The following ART3 variants were observed in gnomAD, a reference collection of about 807,000 sequenced individuals.
ART3 encodes the protein ecto-ADP-ribosyltransferase 3.
A neutral mutation model predicts 48.5 loss-of-function variants in ART3; 49 were observed. The observed-to-expected ratio is 1.01, with a 90% CI of 0.80 to 1.28. The LOEUF (loss-of-function observed/expected upper bound fraction) is 1.28, where lower values mean the gene tolerates loss of function less well. ART3 is among the 50% of genes most tolerant of loss of function. The probability of loss-of-function intolerance (pLI) is 0.00; values close to 1 mark genes in which losing one functional copy is unlikely to be tolerated. For missense variants in ART3, 438 were observed against 454.3 expected (o/e 0.96, Z 0.33); for synonymous variants, 145 against 157.2 (o/e 0.92, Z 0.58).
intron 1 of ART3, chr4:76,035,136 C>CAA (rs5859488): frequency 0.56 from 897,961 of 1,612,804 alleles, 257,741 homozygotes; most frequent in East Asian, 0.94. Flanking sequence ...AAAGAACATA[C>CAA]AAGAGTCTTA....
intron 1 of ART3, among the ~76,000 whole-genome samples, chr4:76,057,716 CT>C (rs1210377372): frequency 6.6e-6 from 1 of 152,096 alleles, no homozygotes; most frequent in Non-Finnish European, 1.5e-5. Flanking sequence ...GGTCACATAG[CT>C]AGAAAGTGGC....
intron 1 of ART3, among the ~76,000 whole-genome samples, chr4:76,063,783 C>T (rs10017484): frequency 0.59 from 89,099 of 151,878 alleles, 26,980 homozygotes; most frequent in East Asian, 0.94. Context: ...AATTTTGGCA[C>T]TAAACATTGA....
At chr4:76,104,102 A>G (rs1727939136) in intron 9 of ART3, 133 bp downstream of exon 9, 2 of 1,047,950 alleles carry the variant, frequency 1.9e-6, no homozygotes, top group African/African-American at 3.2e-5. Context: ...GTCATCTACA[A>G]ATATTTAGCT....
At chr4:76,050,945 C>T (rs867977916) in intron 1 of ART3, among the ~76,000 whole-genome samples, 2 of 152,202 alleles carry the variant, frequency 1.3e-5, no homozygotes, top group African/African-American at 2.4e-5. Flanking sequence ...CGGCGGGCTG[C>T]TCCGAGTGCG....
At chr4:76,044,578 CTT>C (rs1735310852) in intron 1 of ART3, among the ~76,000 whole-genome samples, 1 of 151,892 alleles carries the variant, frequency 6.6e-6, no homozygotes, top group African/African-American at 2.4e-5. Context: ...ACTTCCATCT[CTT>C]TCTTTCTCTC....
In ART3 at chr4:76,034,931, A is replaced by G. The variant is rs568810587; in HGVS notation, c.-10+23611A>G. The stretch of plus-strand genomic sequence containing the variant: ...TTACAACCAAGGACCCCTTAACAGA[A>G]TATTTCACACAGGATCATAGCAGAA... On this transcript the variant is annotated intron_variant, in intron 1 of 9. Coordinates refer to the ART3 transcript ENST00000341029. 6.1e-5 allele frequency: 83 copies of G among 1,353,198 alleles called. No individual in the cohort carries two copies. The African/African-American group carries it at 1.1e-3, about 18-fold the overall frequency. 83.8% of individuals were successfully genotyped at this position (1,353,198 alleles called of 1,614,324 possible). A position where few individuals can be genotyped will look rare whatever the true frequency, so the allele number is the denominator to read the frequency against.
rs553179436 is a variant in ART3 at position 76,041,979 on chromosome 4, CT to C, written c.-10+30665del. ...TCTCTGTGTTCTTAGCAGTGTTGGC[CT>C]TTTTTATTGTTTCCAGAATTGGACT... On this transcript the variant is annotated intron_variant, in intron 1 of 9. Coordinates refer to the ART3 transcript ENST00000341029. Among the ~76,000 whole-genome samples the C allele has an allele frequency of 9.0e-4, 137 of 152,242 alleles. 1 individual carries two copies. Among genetic ancestry groups the C allele is most frequent in the African/African-American group, 3.2e-3 (134 of 41,558 alleles).
chr4:76,013,135 A>C (rs1425053402), intron 1 of ART3, among the ~76,000 whole-genome samples: 2 of 152,236 alleles, frequency 1.3e-5, no homozygotes, highest in Non-Finnish European at 2.9e-5. Flanking sequence ...AGAAGTGCAC[A>C]ACCCTGGCTG....
At chr4:76,080,563 T>C (rs1560622387) in intron 2 of ART3, among the ~76,000 whole-genome samples, 1 of 152,160 alleles carries the variant, frequency 6.6e-6, no homozygotes, top group Non-Finnish European at 1.5e-5. Context: ...CAGGCTGGAG[T>C]GCTGTGGTGC....
chr4:76,067,711 C>T (rs1348179512), intron 1 of ART3, among the ~76,000 whole-genome samples: 1 of 152,208 alleles, frequency 6.6e-6, no homozygotes, highest in African/African-American at 2.4e-5. Context: ...ACAGTAAAAA[C>T]ACTTAATCTT....
chr4:76,046,744 G>C (rs1735541004), intron 1 of ART3, among the ~76,000 whole-genome samples: 1 of 151,964 alleles, frequency 6.6e-6, no homozygotes, highest in Non-Finnish European at 1.5e-5. Flanking sequence ...TCCTTAATAA[G>C]GGTGTGGGAC....
Position 76,112,725 on chromosome 4 carries a change from A to G in ART3, c.*206A>G, listed in dbSNP as rs1729713366. ...TTTTCACTTGTATACTACTCTTACA[A>G]TGGAAAAAAATCCCGAAAACTGTAT... On this transcript the variant is annotated 3_prime_UTR_variant, in exon 12 of 12. Coordinates refer to ENST00000355810, the MANE Select transcript of ART3 (RefSeq NM_001130016.3). 2 of 447,654 alleles carry G rather than the reference A, an allele frequency of 4.5e-6. No individual in the cohort carries two copies. Among genetic ancestry groups the G allele is most frequent in the East Asian group, 3.8e-5 (1 of 26,594 alleles). The allele number at this position is 447,654 out of a possible 1,614,324, so 27.7% of individuals were successfully genotyped here.
chr4:76,021,380 T>G (rs1732795138), intron 1 of ART3: 1 of 153,208 alleles, frequency 6.5e-6, no homozygotes, highest in African/African-American at 2.4e-5. Flanking sequence ...TGTACAGTCT[T>G]TCATTAAATA....
intron 1 of ART3, among the ~76,000 whole-genome samples, chr4:76,065,577 A>ACACACACACACACG (rs1719655967): frequency 6.6e-6 from 1 of 151,120 alleles, no homozygotes; most frequent in Non-Finnish European, 1.5e-5. Flanking sequence ...ACACACACAC[A>ACACACACACACACG]CTCGTTGAAA....
At chr4:76,065,552 A>ACACACACACACAC in intron 1 of ART3, among the ~76,000 whole-genome samples, 1 of 145,294 alleles carries the variant, frequency 6.9e-6, no homozygotes, top group Non-Finnish European at 1.5e-5. Flanking sequence ...ATAACCCTCC[A>ACACACACACACAC]ACACACACAC....
At chr4:76,014,181 G>A (rs999178497) in intron 1 of ART3, among the ~76,000 whole-genome samples, 18 of 152,104 alleles carry the variant, frequency 1.2e-4, no homozygotes, top group Non-Finnish European at 1.0e-4. Context: ...GGTTTTCACA[G>A]AGGTAATTAA....
At chr4:76,083,845 TG>T (rs1044592266) in intron 3 of ART3, among the ~76,000 whole-genome samples, 1 of 152,142 alleles carries the variant, frequency 6.6e-6, no homozygotes, top group Admixed American at 6.5e-5. Flanking sequence ...ATATAGTGTG[TG>T]GGGGAGACAA....
At chr4:76,052,929 A>G (rs1171467209) in intron 1 of ART3, among the ~76,000 whole-genome samples, 1 of 152,026 alleles carries the variant, frequency 6.6e-6, no homozygotes, top group Non-Finnish European at 1.5e-5. Context: ...GGGTTTCACC[A>G]TGTTGGCAAG....
chr4:76,033,356 T>C (rs896463321), intron 1 of ART3, among the ~76,000 whole-genome samples: 1 of 152,188 alleles, frequency 6.6e-6, no homozygotes, highest in Non-Finnish European at 1.5e-5. Flanking sequence ...ACTAATAGTA[T>C]CTTTGTGATG....
Sources: gnomAD v4.1 joint callset for allele counts (sites outside exome capture counted in the v4.1 genomes callset) on GRCh38, gnomAD v4.1.1 for gene constraint, MANE v1.5 for transcripts, NCBI Gene and HGNC (gene_info 2026-07-23, HGNC 2026-07-21) for gene names.